MARCHF5: variants seen among roughly 807,000 people sequenced by gnomAD.
MARCHF5 encodes E3 ubiquitin-protein ligase MARCHF5.
Under a neutral mutation model 36.5 loss-of-function variants are expected in MARCHF5, and 5 were observed. That is an observed-to-expected ratio of 0.14 (90% CI 0.07 to 0.29). The LOEUF is 0.29. Among genes scored for constraint, MARCHF5 ranks in the 10% least tolerant of loss-of-function variants. MARCHF5 has a pLI of 1.00. For missense variants in MARCHF5, 179 were observed against 336.3 expected, an observed-to-expected ratio of 0.53 and a Z score of 3.66; for synonymous variants, 103 against 109.9, an observed-to-expected ratio of 0.94 and a Z score of 0.39.
rs899842023 is a variant in MARCHF5 at position 92,352,791 on chromosome 10, A to G, written c.*1584A>G. On this transcript the variant is annotated 3_prime_UTR_variant, in exon 6 of 6. Coordinates refer to ENST00000358935, the MANE Select transcript of MARCHF5 (RefSeq NM_017824.5). ...TCAAATTTGTATTATTTGGAGATGAAGATTTGACTAACAGTGAGCCTTATT... is the reference window on the plus strand; with the variant it reads ...TCAAATTTGTATTATTTGGAGATGAGGATTTGACTAACAGTGAGCCTTATT... 2 of 152,604 alleles carry G rather than the reference A, an allele frequency of 1.3e-5. No individual in the cohort carries two copies. The highest frequency in any genetic ancestry group is 4.8e-5 in the African/African-American group (2 of 41,432). 9.5% of individuals were successfully genotyped at this position (152,604 alleles called of 1,614,324 possible).
intron 1 of MARCHF5, among the ~76,000 whole-genome samples, chr10:92,309,951 T>G (rs1273779338): frequency 6.6e-6 from 1 of 152,130 alleles, no homozygotes; most frequent in Non-Finnish European, 1.5e-5. Flanking sequence ...ACGTTCTAAT[T>G]TTACTTAGAT....
At chr10:92,328,272 T>C (rs1030415676) in intron 2 of MARCHF5, among the ~76,000 whole-genome samples, 3 of 151,294 alleles carry the variant, frequency 2.0e-5, no homozygotes, top group African/African-American at 7.3e-5. Context: ...CTTACACTCC[T>C]CTTGGCTATG....
At chr10:92,339,581 A>C (rs974218455) in intron 2 of MARCHF5, among the ~76,000 whole-genome samples, 2 of 151,634 alleles carry the variant, frequency 1.3e-5, no homozygotes, top group Admixed American at 1.3e-4. Context: ...GAGGCAGGAA[A>C]ATTGCTTGAA....
intron 5 of MARCHF5, chr10:92,350,272 A>C (rs2135223519): frequency 6.3e-6 from 1 of 157,738 alleles, no homozygotes; most frequent in South Asian, 2.0e-4. Flanking sequence ...GTAAGCACTC[A>C]TGTTGTTTGC....
chr10:92,312,291 G>T (rs1419469269), intron 2 of MARCHF5, among the ~76,000 whole-genome samples: 1 of 152,178 alleles, frequency 6.6e-6, no homozygotes, highest in African/African-American at 2.4e-5. Context: ...AATATGAGAA[G>T]ATTAATAATA....
At chr10:92,301,595 A>G (rs1843012941) in intron 1 of MARCHF5, among the ~76,000 whole-genome samples, 2 of 152,234 alleles carry the variant, frequency 1.3e-5, no homozygotes. Context: ...GCATGAATAT[A>G]CTATACTCAA....
At chr10:92,327,841 A>G (rs1308710185) in intron 2 of MARCHF5, among the ~76,000 whole-genome samples, 1 of 152,104 alleles carries the variant, frequency 6.6e-6, no homozygotes, top group Admixed American at 6.6e-5. Context: ...GAAGTCAACA[A>G]CACCCTTGAA....
chr10:92,291,483 G>A lies in MARCHF5; in HGVS notation c.-12G>A, dbSNP rs1424868047. ...CCACTGGGGAAGGCCGTGTGCGCCG[G>A]CTCCGCGGAAGATGCCGGACCAAGC... On this transcript the variant is annotated 5_prime_UTR_variant, in exon 1 of 6. Transcript: ENST00000358935. 5 of 1,547,884 alleles carry A rather than the reference G, an allele frequency of 3.2e-6. No homozygotes were observed. The highest frequency in any genetic ancestry group is 2.0e-5 in the Admixed American group (1 of 50,944).
chr10:92,302,547 C>A (rs941846690), intron 1 of MARCHF5, among the ~76,000 whole-genome samples: 1 of 151,506 alleles, frequency 6.6e-6, no homozygotes, highest in African/African-American at 2.4e-5. Context: ...CGAGTTCAAG[C>A]GATTTTCCTG....
intron 2 of MARCHF5, among the ~76,000 whole-genome samples, chr10:92,329,463 T>C (rs1590660995): frequency 6.6e-6 from 1 of 152,068 alleles, no homozygotes; most frequent in African/African-American, 2.4e-5. Flanking sequence ...TTTATGGGGG[T>C]TTTATATTTT....
At chr10:92,350,383 CAAG>C (rs909192624) in intron 5 of MARCHF5, 1 of 153,050 alleles carries the variant, frequency 6.5e-6, no homozygotes, top group African/African-American at 2.4e-5. Flanking sequence ...AAGACAAAGA[CAAG>C]AGAGTATATT....
chr10:92,346,015 C>T (rs573724546), intron 3 of MARCHF5, among the ~76,000 whole-genome samples: 1 of 152,090 alleles, frequency 6.6e-6, no homozygotes, highest in African/African-American at 2.4e-5. Flanking sequence ...ACATAGATAA[C>T]AAATTCTTAG....
At position 92,311,219 on chromosome 10, in the gene MARCHF5, A is replaced by G. The variant is rs374365207; in HGVS notation, c.120A>G (p.Lys40=). Residue 40 remains lysine, a synonymous_variant, in exon 2 of 6, where the codon AAA becomes AAG. Transcript: ENST00000358935. ...VRPCRCRGST[K]WVHQACLQRW... is the part of the protein sequence containing the mutation. ...CATGCAGGTGCAGAGGATCTACAAA[A>G]TGGGTTCACCAGGCCTGTCTACAAC... 1.8e-4 allele frequency: 298 copies of G among 1,614,046 alleles called. No individual in the cohort carries two copies. The highest frequency in any genetic ancestry group is 2.5e-4 in the Non-Finnish European group (292 of 1,180,020).
At chr10:92,337,906 G>T (rs1342914603) in intron 2 of MARCHF5, among the ~76,000 whole-genome samples, 1 of 151,824 alleles carries the variant, frequency 6.6e-6, no homozygotes, top group Non-Finnish European at 1.5e-5. Flanking sequence ...AGGCATGGTG[G>T]TACATGCCTG....
At position 92,351,159 on chromosome 10, in the gene MARCHF5, A is replaced by G. The variant is rs745875807; in HGVS notation, c.789A>G (p.Arg263=). ...KVYFKQQQYL[R]QAHRKILNYP... is the part of the protein sequence containing the mutation. ...ACTTCAAACAGCAGCAATATTTACGACAGGCACACCGCAAAATTCTGAATT... is the reference window on the plus strand; with the variant it reads ...ACTTCAAACAGCAGCAATATTTACGGCAGGCACACCGCAAAATTCTGAATT... Residue 263 remains arginine (R), a synonymous_variant, in exon 6 of 6, where the codon CGA becomes CGG. Transcript: ENST00000358935. The G allele has an allele frequency of 6.2e-7, 1 of 1,613,802 alleles. No individual in the cohort carries two copies. Among genetic ancestry groups the G allele is most frequent in the Non-Finnish European group, 8.5e-7 (1 of 1,179,826 alleles).
intron 3 of MARCHF5, among the ~76,000 whole-genome samples, chr10:92,341,274 G>A (rs780134057): frequency 7.9e-5 from 12 of 151,930 alleles, no homozygotes; most frequent in African/African-American, 2.4e-4. Context: ...GTGGTGGCAG[G>A]TTCCTGTAAT....
chr10:92,298,847 A>C (rs534272181), intron 1 of MARCHF5, among the ~76,000 whole-genome samples: 154 of 152,218 alleles, frequency 1.0e-3, no homozygotes, highest in African/African-American at 3.4e-3. Context: ...ACAGGCATGA[A>C]GCTAGCCAAA....
intron 3 of MARCHF5, among the ~76,000 whole-genome samples, chr10:92,342,436 C>T (rs1187280932): frequency 6.6e-6 from 1 of 152,130 alleles, no homozygotes; most frequent in Non-Finnish European, 1.5e-5. Context: ...GCCTAGTGAG[C>T]CCATCTGGCC....
intron 1 of MARCHF5, 102 bp downstream of exon 1, chr10:92,291,631 G>C (rs1842867145): frequency 7.0e-7 from 1 of 1,422,144 alleles, no homozygotes; most frequent in Admixed American, 2.9e-5. Flanking sequence ...GGCGTGCCGG[G>C]AGGAGTTCCA....
Sources: allele counts gnomAD v4.1 joint callset (sites outside exome capture counted in the v4.1 genomes callset), GRCh38; gene constraint gnomAD v4.1.1; transcripts MANE v1.5; gene names NCBI Gene and HGNC (gene_info 2026-07-23, HGNC 2026-07-21).